PTPN3: variants seen among roughly 807,000 people sequenced by gnomAD.
PTPN3 encodes tyrosine-protein phosphatase non-receptor type 3.
In PTPN3, 96 loss-of-function variants were observed where a neutral mutation model predicts 132.7. The observed-to-expected ratio is 0.72, with a 90% CI of 0.61 to 0.86. The LOEUF (loss-of-function observed/expected upper bound fraction) is 0.86, where lower values mean the gene tolerates loss of function less well. Among genes scored for constraint, PTPN3 ranks in the 40% least tolerant of loss-of-function variants. PTPN3 has a pLI of 0.00. For missense variants in PTPN3, 1,125 were observed against 1,159.6 expected, an observed-to-expected ratio of 0.97 and a Z score of 0.43; for synonymous variants, 398 against 429.0, an observed-to-expected ratio of 0.93 and a Z score of 0.89.
intron 5 of PTPN3, chr9:109,450,611 T>C: frequency 1.0e-6 from 1 of 985,150 alleles, no homozygotes; most frequent in Non-Finnish European, 1.2e-6. Flanking sequence ...GGAGACTTCC[T>C]AGGAATCTTG....
chr9:109,521,738 CA>C, the PTPN3 span, among the ~76,000 whole-genome samples: 1 of 152,242 alleles, frequency 6.6e-6, no homozygotes, highest in Non-Finnish European at 1.5e-5. Flanking sequence ...TGAATTTCCA[CA>C]AAAGCAAAGA....
At position 109,381,664 on chromosome 9, in the gene PTPN3, C is replaced by T. The variant is rs776911389; in HGVS notation, c.2652G>A (p.Met884Ile). ...VRKMRDQRAMMVQTSSQYKFV... is the reference protein window; with the variant it reads ...VRKMRDQRAMIVQTSSQYKFV... ...GATTTCTACTCACTGATGTCTGCAC[C>T]ATCATGGCGCGCTGGTCTCGCATTT... Residue 884 changes from methionine to isoleucine, a missense_variant, in exon 25 of 26, where the codon ATG becomes ATA. Physicochemically the swap from Met to Ile is conservative, Grantham distance 10. Coordinates refer to ENST00000374541, the MANE Select transcript of PTPN3 (RefSeq NM_002829.4). The T allele has an allele frequency of 1.9e-6, 3 of 1,614,150 alleles. No individual in the cohort carries two copies. The highest frequency in any genetic ancestry group is 2.5e-6 in the Non-Finnish European group (3 of 1,180,026).
At chr9:109,431,152 G>A (rs1843636013) in intron 10 of PTPN3, among the ~76,000 whole-genome samples, 1 of 152,236 alleles carries the variant, frequency 6.6e-6, no homozygotes, top group Non-Finnish European at 1.5e-5. Context: ...GGGTGAGGGA[G>A]GCTTCAGCAG....
At chr9:109,477,248 T>C (rs1846719608) in intron 1 of PTPN3, among the ~76,000 whole-genome samples, 1 of 152,232 alleles carries the variant, frequency 6.6e-6, no homozygotes, top group African/African-American at 2.4e-5. Flanking sequence ...CTTACCCTTT[T>C]GAGATAATCT....
At chr9:109,456,548 G>A (rs74742845) in intron 4 of PTPN3, among the ~76,000 whole-genome samples, 7,219 of 152,246 alleles carry the variant, frequency 0.047, 346 homozygotes, top group East Asian at 0.29. Context: ...AGGCCCTGCA[G>A]ATCAGCCAGG....
At chr9:109,459,354 T>A (rs977988155) in intron 2 of PTPN3, among the ~76,000 whole-genome samples, 1 of 152,186 alleles carries the variant, frequency 6.6e-6, no homozygotes, top group African/African-American at 2.4e-5. Flanking sequence ...TGAATGAGAC[T>A]GTGCAAACAA....
chr9:109,488,093 CTTTTTTT>C (rs766663409), intron 1 of PTPN3, among the ~76,000 whole-genome samples: 5 of 121,160 alleles, frequency 4.1e-5, no homozygotes, highest in Non-Finnish European at 7.0e-5. Flanking sequence ...GAGGGAAGTA[CTTTTTTT>C]TTTTTTTTTT....
intron 4 of PTPN3, among the ~76,000 whole-genome samples, chr9:109,456,648 A>G (rs1232004868): frequency 6.6e-6 from 1 of 152,204 alleles, no homozygotes. Flanking sequence ...AGGGTGGACT[A>G]TGGTGTGGCC....
chr9:109,463,326 C>T lies in PTPN3; in HGVS notation c.109G>A (p.Asp37Asn). 1 of 1,613,414 alleles carries T rather than the reference C, an allele frequency of 6.2e-7. No individual in the cohort carries two copies. Among genetic ancestry groups the T allele is most frequent in the East Asian group, 2.2e-5 (1 of 44,810 alleles). ...SEVICSIHFL[D>N]GVVQTFKVTK... ...ACTTTAAAGGTCTGTACCACGCCATCTAAAAAGTGGATGCTGCAAATGACT... is the reference window on the plus strand; with the variant it reads ...ACTTTAAAGGTCTGTACCACGCCATTTAAAAAGTGGATGCTGCAAATGACT... Residue 37 changes from aspartate (D) to asparagine (N), a missense_variant, in exon 2 of 26, where the codon GAT (aspartate) becomes AAT (asparagine). Asp to Asn is a conservative substitution (Grantham distance 23, BLOSUM62 1). Coordinates refer to ENST00000374541, the MANE Select transcript of PTPN3 (RefSeq NM_002829.4).
upstream of PTPN3, among the ~76,000 whole-genome samples, chr9:109,499,527 G>A (rs1311411682): frequency 6.6e-6 from 1 of 152,084 alleles, no homozygotes; most frequent in Admixed American, 6.5e-5. Context: ...CAGCTTTGGG[G>A]CTGTAGCTCT....
intron 12 of PTPN3, among the ~76,000 whole-genome samples, chr9:109,424,050 C>G (rs952594330): frequency 1.3e-5 from 2 of 152,154 alleles, no homozygotes; most frequent in Non-Finnish European, 2.9e-5. Context: ...ACATCAGAAA[C>G]CACACTGCCA....
At chr9:109,472,269 C>G (rs2132075659) in intron 1 of PTPN3, among the ~76,000 whole-genome samples, 1 of 152,326 alleles carries the variant, frequency 6.6e-6, no homozygotes, top group South Asian at 2.1e-4. Context: ...CAATGCTTAA[C>G]AATTTGTCCA....
At chr9:109,447,947 T>C (rs981783477) in intron 6 of PTPN3, among the ~76,000 whole-genome samples, 6 of 152,040 alleles carry the variant, frequency 3.9e-5, no homozygotes, top group Admixed American at 3.9e-4. Flanking sequence ...CTGTCGGGGG[T>C]GGGGTGTCTT....
At chr9:109,396,250 G>A (rs537586113) in intron 19 of PTPN3, among the ~76,000 whole-genome samples, 5 of 152,252 alleles carry the variant, frequency 3.3e-5, no homozygotes, top group African/African-American at 1.2e-4. Context: ...GAAGGCGGAG[G>A]GACAGAGTGG....
At chr9:109,526,579 G>T in the PTPN3 span, among the ~76,000 whole-genome samples, 3 of 152,110 alleles carry the variant, frequency 2.0e-5, no homozygotes, top group African/African-American at 7.2e-5. Context: ...GGAGGCTGAG[G>T]CAGGAGGATC....
the PTPN3 span, among the ~76,000 whole-genome samples, chr9:109,533,142 T>TTTTTTC: frequency 1.0e-5 from 1 of 98,500 alleles, no homozygotes; most frequent in Non-Finnish European, 2.0e-5. Context: ...TTTTTTTTTT[T>TTTTTTC]TTTTTTTTTT....
chr9:109,517,991 G>T, the PTPN3 span, among the ~76,000 whole-genome samples: 2 of 152,208 alleles, frequency 1.3e-5, no homozygotes, highest in Non-Finnish European at 2.9e-5. Flanking sequence ...CCTGGCTGCA[G>T]CTCTTGCCAA....
chr9:109,379,540 C>T lies in PTPN3; in HGVS notation c.*16G>A. ...GATGCCCTTGGGAAAGAGGAATGAA[C>T]TTTTTCACAGTTGTCTTAACTAGGA... On this transcript the variant is annotated 3_prime_UTR_variant, in exon 26 of 26. Transcript: ENST00000374541. 3 of 1,608,128 alleles carry T rather than the reference C, an allele frequency of 1.9e-6. No individual in the cohort carries two copies. The highest frequency in any genetic ancestry group is 2.6e-6 in the Non-Finnish European group (3 of 1,174,598).
chr9:109,464,975 T>C (rs1846024094), intron 1 of PTPN3, among the ~76,000 whole-genome samples: 1 of 152,196 alleles, frequency 6.6e-6, no homozygotes, highest in South Asian at 2.1e-4. Flanking sequence ...TTCTATTTCG[T>C]GATGTGGGTG....
Sources: gnomAD v4.1 joint callset for allele counts (sites outside exome capture counted in the v4.1 genomes callset) on GRCh38, gnomAD v4.1.1 for gene constraint, MANE v1.5 for transcripts, NCBI Gene and HGNC (gene_info 2026-07-23, HGNC 2026-07-21) for gene names.